ZNF717: variants seen among roughly 807,000 people sequenced by gnomAD.
The protein encoded by ZNF717 is krueppel-like factor X17.
A neutral mutation model predicts 13.8 loss-of-function variants in ZNF717; 9 were observed. The observed-to-expected ratio is 0.65, with a 90% CI of 0.39 to 1.14. The LOEUF is 1.14. Among genes scored for constraint, ZNF717 ranks in the 50% most tolerant of loss-of-function variants. The pLI is 0.01. For missense variants in ZNF717, 1,040 were observed against 1,080.7 expected, an observed-to-expected ratio of 0.96 and a Z score of 0.53; for synonymous variants, 327 against 364.1, an observed-to-expected ratio of 0.90 and a Z score of 1.16.
At chr3:75,714,754 T>C (rs1938012943) in intron 5 of ZNF717, among the ~76,000 whole-genome samples, 1 of 152,184 alleles carries the variant, frequency 6.6e-6, no homozygotes, top group African/African-American at 2.4e-5. Flanking sequence ...TTAGAACAGT[T>C]TATTTATCAC....
chr3:75,702,255 G>C lies in ZNF717; in HGVS notation n.1085+8932C>G, dbSNP rs1375588503. On this transcript the variant is annotated intron_variant and non_coding_transcript_variant, in intron 6 of 6. Transcript: ENST00000648506. ...ACAGATGACTGGATAGAGAAAATGT[G>C]GTACATATACACAATGGAATACTAT... Among the ~76,000 whole-genome samples, 9 of 152,416 alleles carry C rather than the reference G, an allele frequency of 5.9e-5. No individual in the cohort carries two copies. The South Asian group carries it at 1.9e-3, about 32-fold the overall frequency.
downstream of ZNF717, among the ~76,000 whole-genome samples, chr3:75,729,775 C>T (rs1414975590): frequency 6.6e-6 from 1 of 152,110 alleles, no homozygotes; most frequent in African/African-American, 2.4e-5. Flanking sequence ...ATCTTGGAGC[C>T]ATCTTATTTA....
intron 2 of ZNF717, among the ~76,000 whole-genome samples, chr3:75,777,796 C>G (rs866188652): frequency 7.0e-6 from 1 of 143,484 alleles, no homozygotes; most frequent in South Asian, 2.3e-4. Context: ...ATGCTAAAAC[C>G]GGAACCCAAA....
chr3:75,765,349 G>A (rs1481942916), intron 2 of ZNF717, among the ~76,000 whole-genome samples: 7 of 152,014 alleles, frequency 4.6e-5, no homozygotes, highest in African/African-American at 1.7e-4. Context: ...CTTACAACTG[G>A]TTATGATGGT....
intron 2 of ZNF717, among the ~76,000 whole-genome samples, chr3:75,779,489 A>G (rs1944632600): frequency 6.6e-6 from 1 of 152,128 alleles, no homozygotes; most frequent in African/African-American, 2.4e-5. Context: ...TAGAAACCCA[A>G]AACAATGGGA....
chr3:75,714,811 T>C lies in ZNF717; in HGVS notation n.667+1608A>G, dbSNP rs1216237079. On this transcript the variant is annotated intron_variant and non_coding_transcript_variant, in intron 5 of 5. Coordinates refer to the ZNF717 transcript ENST00000491507. ...ATTAAAAAGCATTTAGGTTAATTATTGTATATTTCATGAGGCCATTTATCT... is the reference window on the plus strand; with the variant it reads ...ATTAAAAAGCATTTAGGTTAATTATCGTATATTTCATGAGGCCATTTATCT... Among the ~76,000 whole-genome samples, 6 of 152,236 alleles carry C rather than the reference T, an allele frequency of 3.9e-5. No individual in the cohort carries two copies. The East Asian group carries it at 1.2e-3, about 29-fold the overall frequency.
chr3:75,765,015 A>ATGTGTG (rs1943341482), intron 2 of ZNF717, among the ~76,000 whole-genome samples: 4 of 28,562 alleles, frequency 1.4e-4, no homozygotes, highest in African/African-American at 4.3e-4. Flanking sequence ...ATATATATAT[A>ATGTGTG]TATATATATA....
At chr3:75,719,404 T>C (rs1263307613) in intron 4 of ZNF717, among the ~76,000 whole-genome samples, 1 of 152,060 alleles carries the variant, frequency 6.6e-6, no homozygotes, top group African/African-American at 2.4e-5. Flanking sequence ...CAGCAAGCAC[T>C]AGGAATTTTC....
chr3:75,701,362 C>T (rs1334485614), intron 6 of ZNF717, among the ~76,000 whole-genome samples: 27 of 151,016 alleles, frequency 1.8e-4, no homozygotes, highest in African/African-American at 5.7e-4. Context: ...TTAATTAAAC[C>T]CATTTCCTTT....
chr3:75,695,701 TAAAC>T (rs1276752840), intron 6 of ZNF717, among the ~76,000 whole-genome samples: 1 of 152,224 alleles, frequency 6.6e-6, no homozygotes, highest in East Asian at 1.9e-4. Context: ...ACAAGGATAT[TAAAC>T]AATATGCTCC....
In ZNF717 at chr3:75,785,433, A is replaced by C. The variant is rs4974334; in HGVS notation, c.-52T>G. ...GCGATGCGCCCACGCGTCTGCTCCCACAACTGGGGAACACTGGTCCGGCCC... is the reference window on the plus strand; with the variant it reads ...GCGATGCGCCCACGCGTCTGCTCCCCCAACTGGGGAACACTGGTCCGGCCC... On this transcript the variant is annotated 5_prime_UTR_variant, in exon 1 of 5. Transcript: ENST00000652011. The C allele has an allele frequency of 0.23, 35,599 of 152,154 alleles. 2,434 individuals carry two copies. The highest frequency in any genetic ancestry group is 0.34 in the African/African-American group (14,149 of 41,186). 9.4% of individuals were successfully genotyped at this position (152,154 alleles called of 1,614,324 possible).
At chr3:75,727,110 T>G (rs1441621416), downstream of ZNF717, among the ~76,000 whole-genome samples, 1 of 152,284 alleles carries the variant, frequency 6.6e-6, no homozygotes, top group Middle Eastern at 3.2e-3. Context: ...AAATTAATAC[T>G]TTTATAATTT....
downstream of ZNF717, among the ~76,000 whole-genome samples, chr3:75,729,230 A>AGC (rs1391512821): frequency 1.9e-4 from 29 of 152,180 alleles, no homozygotes; most frequent in Non-Finnish European, 2.9e-4. Flanking sequence ...ATTTATACAT[A>AGC]GCATAGACAA....
chr3:75,729,613 ATC>A (rs1410947213), downstream of ZNF717, among the ~76,000 whole-genome samples: 1 of 124,050 alleles, frequency 8.1e-6, no homozygotes, highest in Non-Finnish European at 1.7e-5. Context: ...GAAACTCCAT[ATC>A]AAAAAAAAAA....
intron 2 of ZNF717, among the ~76,000 whole-genome samples, chr3:75,751,279 A>G (rs1288953083): frequency 6.6e-6 from 1 of 151,360 alleles, no homozygotes; most frequent in Non-Finnish European, 1.5e-5. Context: ...TACCCCATGT[A>G]GTACTCAAGA....
At chr3:75,741,168 C>G (rs1247874627) in intron 4 of ZNF717, 108 bp downstream of exon 4, 7 of 701,480 alleles carry the variant, frequency 1.0e-5, no homozygotes, top group African/African-American at 3.6e-5. Context: ...GACCAACAGC[C>G]TTCAGGTCGA....
intron 2 of ZNF717, among the ~76,000 whole-genome samples, chr3:75,747,953 G>A (rs74872264): frequency 6.6e-6 from 1 of 151,964 alleles, no homozygotes; most frequent in Admixed American, 6.6e-5. Flanking sequence ...TAGCAAGACT[G>A]ATAAAGAAGA....
intron 2 of ZNF717, among the ~76,000 whole-genome samples, chr3:75,749,603 T>C (rs983839132): frequency 6.6e-6 from 1 of 151,820 alleles, no homozygotes; most frequent in East Asian, 1.9e-4. Context: ...GTCCCTAACA[T>C]AGGATTCCAG....
At chr3:75,759,187 A>T (rs1446969679) in intron 2 of ZNF717, among the ~76,000 whole-genome samples, 2 of 152,168 alleles carry the variant, frequency 1.3e-5, no homozygotes, top group Non-Finnish European at 2.9e-5. Flanking sequence ...CTGGAACCAA[A>T]CCCACATATA....
Sources: gnomAD v4.1 joint callset for allele counts (sites outside exome capture counted in the v4.1 genomes callset) on GRCh38, gnomAD v4.1.1 for gene constraint, MANE v1.5 for transcripts, NCBI Gene and HGNC (gene_info 2026-07-23, HGNC 2026-07-21) for gene names.